SUFU: variants seen among roughly 807,000 people sequenced by gnomAD.
SUFU encodes the protein SUFU negative regulator of hedgehog signaling, also known as suppressor of fused homolog.
Under a neutral mutation model 58.9 loss-of-function variants are expected in SUFU, and 7 were observed. That is an observed-to-expected ratio of 0.12 (90% confidence interval 0.07 to 0.22). The LOEUF is 0.22. Among genes scored for constraint, SUFU ranks in the 10% least tolerant of loss-of-function variants. The pLI is 1.00. For synonymous variants in SUFU, 232 were observed against 254.8 expected (o/e 0.91, Z 0.85); for missense variants, 451 against 641.3 (o/e 0.70, Z 3.20).
intron 3 of SUFU, among the ~76,000 whole-genome samples, chr10:102,566,898 T>C (rs1451062443): frequency 2.0e-5 from 3 of 147,698 alleles, no homozygotes; most frequent in Non-Finnish European, 4.5e-5. Context: ...TGAGCCGAGA[T>C]TGTGCCACTG....
Position 102,632,880 on chromosome 10 carries a change from A to G in SUFU, c.*2725A>G, listed in dbSNP as rs1397002360. ...CAGGAGGACTGCAGACTCAGCTGCA[A>G]TTCTGAGGGGGGTTTGGGAGGCTTG... On this transcript the variant is annotated 3_prime_UTR_variant, in exon 12 of 12. Transcript: ENST00000369902. 3.0e-5 allele frequency: 7 copies of G among 233,412 alleles called. No homozygotes were observed. The highest frequency in any genetic ancestry group is 4.4e-5 in the African/African-American group (2 of 45,332). 14.5% of individuals were successfully genotyped at this position (233,412 alleles called of 1,614,324 possible).
At chr10:102,554,440 T>C (rs527249415) in intron 3 of SUFU, among the ~76,000 whole-genome samples, 2 of 152,288 alleles carry the variant, frequency 1.3e-5, no homozygotes, top group East Asian at 3.9e-4. Context: ...CACATAACTG[T>C]ACAGCTTGAT....
chr10:102,609,258 C>T (rs2063596260), intron 8 of SUFU, among the ~76,000 whole-genome samples: 2 of 145,768 alleles, frequency 1.4e-5, no homozygotes, highest in South Asian at 4.6e-4. Context: ...TAGCATGGGA[C>T]CCAGCACCAT....
At chr10:102,559,781 G>T (rs1416959968) in intron 3 of SUFU, among the ~76,000 whole-genome samples, 2 of 152,210 alleles carry the variant, frequency 1.3e-5, no homozygotes, top group Non-Finnish European at 2.9e-5. Flanking sequence ...CTGCTGGAGA[G>T]GCTATCTGCT....
chr10:102,521,942 A>G (rs1484106046), intron 2 of SUFU, among the ~76,000 whole-genome samples: 1 of 152,212 alleles, frequency 6.6e-6, no homozygotes, highest in African/African-American at 2.4e-5. Flanking sequence ...TTTGTTTACA[A>G]TTCTATGTCT....
intron 3 of SUFU, among the ~76,000 whole-genome samples, chr10:102,562,653 G>GCACTTT (rs2063050279): frequency 2.0e-5 from 3 of 152,226 alleles, no homozygotes; most frequent in Admixed American, 2.0e-4. Context: ...CACTTTGGGA[G>GCACTTT]GCTGAAGCAG....
At chr10:102,523,804 T>C (rs2062577472) in intron 2 of SUFU, among the ~76,000 whole-genome samples, 1 of 152,234 alleles carries the variant, frequency 6.6e-6, no homozygotes, top group African/African-American at 2.4e-5. Flanking sequence ...TCATGAATCA[T>C]GCTCAGAACC....
intron 8 of SUFU, among the ~76,000 whole-genome samples, chr10:102,613,545 C>T (rs752335111): frequency 9.9e-5 from 15 of 152,254 alleles, no homozygotes; most frequent in African/African-American, 2.9e-4. Flanking sequence ...AGCCCCGCAA[C>T]GTGTGAGGAG....
At chr10:102,536,206 C>G (rs2062738278) in intron 2 of SUFU, among the ~76,000 whole-genome samples, 1 of 151,834 alleles carries the variant, frequency 6.6e-6, no homozygotes, top group Non-Finnish European at 1.5e-5. Flanking sequence ...CTCAGGTGAT[C>G]CACCTGCCTC....
At chr10:102,506,852 T>C (rs932477885) in intron 1 of SUFU, among the ~76,000 whole-genome samples, 5 of 152,182 alleles carry the variant, frequency 3.3e-5, no homozygotes, top group Admixed American at 1.3e-4. Flanking sequence ...GCAATAGCAG[T>C]GTGGCTCTGT....
chr10:102,580,494 AG>A (rs2063265599), intron 3 of SUFU, among the ~76,000 whole-genome samples: 1 of 151,416 alleles, frequency 6.6e-6, no homozygotes, highest in African/African-American at 2.4e-5. Context: ...TGGCTTGGGG[AG>A]GGGGTATGGA....
intron 2 of SUFU, among the ~76,000 whole-genome samples, chr10:102,541,482 T>C (rs1478338464): frequency 6.6e-6 from 1 of 151,298 alleles, no homozygotes; most frequent in Non-Finnish European, 1.5e-5. Flanking sequence ...CACTGCAACC[T>C]CTGCCTTCTG....
At chr10:102,614,589 C>T (rs1272973474) in intron 8 of SUFU, among the ~76,000 whole-genome samples, 1 of 145,116 alleles carries the variant, frequency 6.9e-6, no homozygotes, top group African/African-American at 2.6e-5. Context: ...AAAACAAAAA[C>T]CAAAGGCTGG....
intron 2 of SUFU, among the ~76,000 whole-genome samples, chr10:102,533,529 A>G (rs1008102893): frequency 6.6e-6 from 1 of 152,108 alleles, no homozygotes; most frequent in Admixed American, 6.6e-5. Context: ...AGCCGTGATC[A>G]TGCCACTGCA....
intron 3 of SUFU, among the ~76,000 whole-genome samples, chr10:102,588,104 T>G (rs545877053): frequency 6.6e-6 from 1 of 152,196 alleles, no homozygotes; most frequent in African/African-American, 2.4e-5. Flanking sequence ...TGTTGAAAAT[T>G]AATGCCCACA....
At chr10:102,578,571 G>A (rs925683807) in intron 3 of SUFU, among the ~76,000 whole-genome samples, 1 of 152,064 alleles carries the variant, frequency 6.6e-6, no homozygotes, top group Non-Finnish European at 1.5e-5. Context: ...AGCTGGTCAT[G>A]GTGGCGCGTG....
At chr10:102,511,121 C>CAAAAAAAAA (rs1403399470) in intron 2 of SUFU, among the ~76,000 whole-genome samples, 1 of 66,440 alleles carries the variant, frequency 1.5e-5, no homozygotes, top group Non-Finnish European at 3.1e-5. Flanking sequence ...AACTCCATCT[C>CAAAAAAAAA]AAAAAAAAAA....
intron 2 of SUFU, among the ~76,000 whole-genome samples, chr10:102,515,867 C>T (rs1055504405): frequency 1.3e-5 from 2 of 152,142 alleles, no homozygotes; most frequent in African/African-American, 4.8e-5. Context: ...CCTTTCCTCT[C>T]AGGGATGTTC....
At chr10:102,524,675 A>AT (rs979009214) in intron 2 of SUFU, among the ~76,000 whole-genome samples, 15 of 151,730 alleles carry the variant, frequency 9.9e-5, no homozygotes, top group Non-Finnish European at 1.6e-4. Context: ...GCTTTAAGAA[A>AT]TTTTTTTTTA....
Sources: allele counts gnomAD v4.1 joint callset (sites outside exome capture counted in the v4.1 genomes callset), GRCh38; gene constraint gnomAD v4.1.1; transcripts MANE v1.5; gene names NCBI Gene and HGNC (gene_info 2026-07-23, HGNC 2026-07-21).